Variants in ENOX2 observed in about 807,000 individuals in gnomAD.
ENOX2 encodes the protein ecto-NOX disulfide-thiol exchanger 2, also known as APK1 antigen.
In ENOX2, 36 loss-of-function variants were observed where a neutral mutation model predicts 45.0. The observed-to-expected ratio is 0.80, with a 90% CI of 0.61 to 1.06. The LOEUF (loss-of-function observed/expected upper bound fraction) is 1.06. Among genes scored for constraint, ENOX2 ranks in the 50% least tolerant of loss-of-function variants. The pLI is 0.00. For missense variants in ENOX2, 423 were observed against 462.5 expected, an observed-to-expected ratio of 0.91 and a Z score of 0.78; for synonymous variants, 174 against 152.3, an observed-to-expected ratio of 1.14 and a Z score of -1.05.
chrX:130,781,091 A>G (rs2039958999), intron 3 of ENOX2, among the ~76,000 whole-genome samples: 1 of 112,049 alleles, frequency 8.9e-6, no homozygotes, highest in Non-Finnish European at 1.9e-5. Flanking sequence ...GCCTATTTAC[A>G]ATATCACAAG....
chrX:130,764,582 T>A (rs2039573023), intron 3 of ENOX2, among the ~76,000 whole-genome samples: 1 of 109,167 alleles, frequency 9.2e-6, no homozygotes, highest in African/African-American at 3.3e-5. Flanking sequence ...GTCCAATCAA[T>A]CAATCCATCA....
chrX:130,625,945 C>T (rs1224881224), intron 14 of ENOX2, among the ~76,000 whole-genome samples: 1 of 111,208 alleles, frequency 9.0e-6, no homozygotes, highest in South Asian at 3.8e-4. Flanking sequence ...CACACACACA[C>T]ACACCCCTCA....
intron 4 of ENOX2, among the ~76,000 whole-genome samples, chrX:130,702,028 T>A (rs2037912516): frequency 9.0e-6 from 1 of 111,661 alleles, no homozygotes; most frequent in South Asian, 3.8e-4. Flanking sequence ...CTTTTATGCT[T>A]GTTTCTTGGC....
intron 2 of ENOX2, among the ~76,000 whole-genome samples, chrX:130,868,256 G>C (rs1467659558): frequency 1.8e-5 from 2 of 111,365 alleles, no homozygotes; most frequent in African/African-American, 3.3e-5. Context: ...GCCAAAAGAT[G>C]AGAAATTCCC....
At chrX:130,811,072 T>C (rs1242955448) in intron 2 of ENOX2, among the ~76,000 whole-genome samples, 1 of 111,824 alleles carries the variant, frequency 8.9e-6, no homozygotes, top group Non-Finnish European at 1.9e-5. Context: ...ACCAAGGCTC[T>C]AGAATCACCC....
At chrX:130,857,515 T>C (rs928825020) in intron 2 of ENOX2, among the ~76,000 whole-genome samples, 6 of 112,077 alleles carry the variant, frequency 5.4e-5, no homozygotes, top group Admixed American at 9.5e-5. Flanking sequence ...TCAAAGGGTA[T>C]AAAGTTTCAT....
intron 2 of ENOX2, among the ~76,000 whole-genome samples, chrX:130,808,116 T>C (rs1372079921): frequency 8.9e-6 from 1 of 112,438 alleles, no homozygotes. Context: ...TTAACATTTA[T>C]TGAGCAATTA....
At chrX:130,762,536 C>G (rs2039517763) in intron 3 of ENOX2, among the ~76,000 whole-genome samples, 1 of 112,216 alleles carries the variant, frequency 8.9e-6, no homozygotes, top group South Asian at 3.7e-4. Context: ...GAGTTGTGAT[C>G]ATGCCACTGT....
intron 9 of ENOX2, among the ~76,000 whole-genome samples, chrX:130,658,105 T>C (rs1442358941): frequency 1.8e-5 from 2 of 112,054 alleles, no homozygotes; most frequent in African/African-American, 6.5e-5. Context: ...AAAATCTCTA[T>C]TCCTCTGCTG....
chrX:130,637,497 T>A, intron 10 of ENOX2, 87 bp from the exon 11 acceptor site: 4 of 798,692 alleles, frequency 5.0e-6, no homozygotes, highest in Non-Finnish European at 5.4e-6. Flanking sequence ...TTCTTCCTCT[T>A]GATGAAGAAC....
In ENOX2 at chrX:130,635,806, C is replaced by T. The variant is rs5975210; in HGVS notation, c.1312-715G>A. ...TCCTTACATGCCTTATTATACTATA[C>T]GTCTTTTGAGATAAGATGTGAGAAA... On this transcript the variant is annotated intron_variant, in intron 11 of 14. Transcript: ENST00000394363. Among the ~76,000 whole-genome samples the T allele has an allele frequency of 8.8e-3, 980 of 111,747 alleles. 12 individuals are homozygous for T. Among genetic ancestry groups the T allele is most frequent in the African/African-American group, 0.03 (929 of 30,753 alleles).
intron 10 of ENOX2, among the ~76,000 whole-genome samples, chrX:130,653,440 C>G (rs1316261606): frequency 8.9e-6 from 1 of 111,952 alleles, no homozygotes; most frequent in East Asian, 2.8e-4. Context: ...CCCATCTACT[C>G]TACTCAGTCT....
chrX:130,738,988 A>G (rs1168651616), intron 3 of ENOX2, among the ~76,000 whole-genome samples: 1 of 112,479 alleles, frequency 8.9e-6, no homozygotes, highest in African/African-American at 3.2e-5. Context: ...GCCAACTAAT[A>G]GAAACCATGT....
intron 3 of ENOX2, among the ~76,000 whole-genome samples, chrX:130,732,700 A>T (rs1384639253): frequency 1.0e-5 from 1 of 98,870 alleles, no homozygotes; most frequent in African/African-American, 4.0e-5. Flanking sequence ...AAATCCATTC[A>T]CACACACACA....
rs1443368928 is a variant in ENOX2 at position 130,640,521 on chromosome X, G to GA, written c.1130-3112dup. Among the ~76,000 whole-genome samples the GA allele has an allele frequency of 7.1e-5, 8 of 112,581 alleles. No individual in the cohort carries two copies. In the East Asian group the frequency reaches 2.2e-3, roughly 31 times the overall value. On this transcript the variant is annotated intron_variant, in intron 10 of 14. Coordinates refer to ENST00000394363, the MANE Select transcript of ENOX2 (RefSeq NM_006375.4). ...TCAACCCAAATGCCCCTCAATGATA[G>GA]ACTGGATAAAGAAAATGTGGTACAT...
rs750051674 is a variant in ENOX2 at position 130,703,248 on chromosome X, T to C, written c.-32A>G. ...GGAATCCACGTTCAGAGTTCTACTG[T>C]TATCGGCTGAAAAGAAATGACAAGC... On this transcript the variant is annotated 5_prime_UTR_variant, in exon 4 of 15. Transcript: ENST00000394363. 8.4e-6 allele frequency: 10 copies of C among 1,185,508 alleles called. No homozygotes were observed. The highest frequency in any genetic ancestry group is 1.1e-5 in the Non-Finnish European group (10 of 883,669).
chrX:130,642,081 T>C (rs188192979), intron 10 of ENOX2, among the ~76,000 whole-genome samples: 1 of 112,456 alleles, frequency 8.9e-6, no homozygotes, highest in Admixed American at 9.4e-5. Context: ...CCATAGATAG[T>C]GGTTCCTCTG....
chrX:130,667,678 G>A lies in ENOX2; in HGVS notation c.759C>T (p.Asn253=). ...LLTWIERGEV[N]RRSANNFYSM... Reference sequence around the variant, plus strand: ...AGTAGAAGTTATTGGCGCTACGACGGTTGACCTCTCCTCGCTCTATCCAGG... The same window carrying A: ...AGTAGAAGTTATTGGCGCTACGACGATTGACCTCTCCTCGCTCTATCCAGG... Residue 253 remains asparagine, a synonymous_variant, in exon 8 of 15, where the codon AAC becomes AAT. Transcript: ENST00000394363. 1 of 1,211,079 alleles carries A rather than the reference G, an allele frequency of 8.3e-7. No individual in the cohort carries two copies. The highest frequency in any genetic ancestry group is 3.0e-5 in the East Asian group (1 of 33,853).
At chrX:130,884,566 G>C (rs1415086736) in intron 2 of ENOX2, among the ~76,000 whole-genome samples, 1 of 111,919 alleles carries the variant, frequency 8.9e-6, no homozygotes, top group Non-Finnish European at 1.9e-5. Context: ...GCTTGTATGA[G>C]CCATTCAAGT....
Sources: allele counts gnomAD v4.1 joint callset (sites outside exome capture counted in the v4.1 genomes callset), GRCh38; gene constraint gnomAD v4.1.1; transcripts MANE v1.5; gene names NCBI Gene and HGNC (gene_info 2026-07-23, HGNC 2026-07-21).